Variants in VEPH1 observed in about 807,000 individuals in gnomAD.
The protein encoded by VEPH1 is ventricular zone expressed PH domain containing 1.
In VEPH1, 80 loss-of-function variants were observed where a neutral mutation model predicts 85.2. The ratio of observed to expected loss-of-function variants is 0.94; its 90% CI spans 0.78 to 1.13. The LOEUF is 1.13. Among genes scored for constraint, VEPH1 ranks in the 50% most tolerant of loss-of-function variants. The pLI is 0.00. For missense variants in VEPH1, 955 were observed against 980.5 expected (o/e 0.97, Z 0.35); for synonymous variants, 297 against 348.0 (o/e 0.85, Z 1.63).
intron 4 of VEPH1, chr3:157,437,877 G>A: frequency 2.0e-6 from 3 of 1,503,846 alleles, no homozygotes; most frequent in Non-Finnish European, 2.6e-6. Flanking sequence ...ACCTGCACGC[G>A]GTGCAGGGCT....
intron 9 of VEPH1, among the ~76,000 whole-genome samples, chr3:157,337,070 T>A (rs1220296706): frequency 6.6e-6 from 1 of 151,380 alleles, no homozygotes; most frequent in East Asian, 1.9e-4. Context: ...ATTATTACGC[T>A]TAGTTTTAGT....
chr3:157,368,016 A>G (rs1173679052), intron 7 of VEPH1, among the ~76,000 whole-genome samples: 3 of 152,346 alleles, frequency 2.0e-5, no homozygotes, highest in Non-Finnish European at 2.9e-5. Flanking sequence ...AAAAAGTTTC[A>G]TATTTATGGA....
At chr3:157,289,678 T>C (rs548765282) in intron 11 of VEPH1, among the ~76,000 whole-genome samples, 2 of 152,374 alleles carry the variant, frequency 1.3e-5, no homozygotes, top group South Asian at 4.1e-4. Flanking sequence ...TTTACCCTTC[T>C]GGGTCCTGCA....
intron 6 of VEPH1, among the ~76,000 whole-genome samples, chr3:157,410,662 C>T (rs965975635): frequency 6.6e-6 from 1 of 152,104 alleles, no homozygotes; most frequent in Non-Finnish European, 1.5e-5. Context: ...AAATAACTTT[C>T]TTACAGTAAT....
intron 11 of VEPH1, among the ~76,000 whole-genome samples, chr3:157,306,415 T>G (rs374263538): frequency 6.6e-6 from 1 of 152,252 alleles, no homozygotes; most frequent in South Asian, 2.1e-4. Context: ...AGTATTCATA[T>G]CATAGTTTTG....
At chr3:157,442,749 G>C (rs745911276) in intron 4 of VEPH1, 1 of 1,614,110 alleles carries the variant, frequency 6.2e-7, no homozygotes, top group African/African-American at 1.3e-5. Context: ...TCCTGAGGGA[G>C]GAATCCTGCA....
chr3:157,470,339 GATGCGATTTTTGC>G lies in VEPH1; in HGVS notation c.316_328del (p.Ala106LeufsTer4). 1 of 1,614,118 alleles carries G rather than the reference GATGCGATTTTTGC, an allele frequency of 6.2e-7. No individual in the cohort carries two copies. ...CTGTAAAATGCAACTCATGATATCAGATGCGATTTTTGCATGAGGAGTGTCTTCGTCTTTCCCA... is the reference window on the plus strand; with the variant it reads ...CTGTAAAATGCAACTCATGATATCAGATGAGGAGTGTCTTCGTCTTTCCCA... On this transcript the variant is annotated frameshift_variant, in exon 3 of 14. Coordinates refer to ENST00000362010, the MANE Select transcript of VEPH1 (RefSeq NM_001167912.2). LOFTEE classifies it high-confidence loss of function.
At chr3:157,406,567 G>A (rs1327794541) in intron 6 of VEPH1, among the ~76,000 whole-genome samples, 3 of 152,198 alleles carry the variant, frequency 2.0e-5, no homozygotes, top group East Asian at 1.9e-4. Context: ...TAATGAACAC[G>A]CCCTGGTGCT....
chr3:157,320,977 T>C (rs1350980645), intron 9 of VEPH1, among the ~76,000 whole-genome samples: 1 of 152,150 alleles, frequency 6.6e-6, no homozygotes, highest in East Asian at 1.9e-4. Flanking sequence ...GACTAGACAC[T>C]TATAACCTAT....
chr3:157,261,849 G>A (rs1410984928), intron 13 of VEPH1, among the ~76,000 whole-genome samples: 1 of 152,074 alleles, frequency 6.6e-6, no homozygotes, highest in Non-Finnish European at 1.5e-5. Flanking sequence ...CTGCAGCTTT[G>A]GAAGCATGCT....
At chr3:157,477,677 A>G (rs1358367602) in intron 2 of VEPH1, among the ~76,000 whole-genome samples, 1 of 152,166 alleles carries the variant, frequency 6.6e-6, no homozygotes, top group African/African-American at 2.4e-5. Context: ...ACTTATCTAA[A>G]TGACATCAAG....
rs539946867 is a variant in VEPH1 at position 157,323,111 on chromosome 3, T to C, written c.1736-5910A>G. On this transcript the variant is annotated intron_variant, in intron 9 of 13. Transcript: ENST00000362010. ...GATTCCATGTGATTTGTAAAATATA[T>C]TAGTATTTTAGACTAAAACTCTATT... is the stretch of plus-strand genomic sequence containing the variant. Among the ~76,000 whole-genome samples, 3 of 152,332 alleles carry C rather than the reference T, an allele frequency of 2.0e-5. No homozygotes were observed. In the East Asian group the frequency reaches 5.8e-4, roughly 29 times the overall value.
chr3:157,437,779 C>A, intron 4 of VEPH1: 1 of 1,476,064 alleles, frequency 6.8e-7, no homozygotes. Flanking sequence ...CAGGCTGGCG[C>A]GTATGGAGGG....
chr3:157,274,704 T>G (rs78109201), intron 12 of VEPH1, among the ~76,000 whole-genome samples: 5,634 of 152,260 alleles, frequency 0.037, 150 homozygotes, highest in South Asian at 0.11. Context: ...CTTACCATGC[T>G]GCCCAGGCTG....
intron 3 of VEPH1, among the ~76,000 whole-genome samples, chr3:157,469,634 GT>G (rs1206784169): frequency 6.6e-6 from 1 of 152,174 alleles, no homozygotes; most frequent in Admixed American, 6.5e-5. Flanking sequence ...TCATCACAAA[GT>G]TCTTTTCTGA....
intron 11 of VEPH1, among the ~76,000 whole-genome samples, chr3:157,301,639 T>C (rs1420805132): frequency 1.3e-5 from 2 of 152,240 alleles, no homozygotes; most frequent in African/African-American, 2.4e-5. Flanking sequence ...TGTTGCCCAG[T>C]TGAATGGACA....
chr3:157,454,374 C>T (rs12634385), intron 4 of VEPH1, among the ~76,000 whole-genome samples: 27,158 of 152,086 alleles, frequency 0.18, 2,937 homozygotes, highest in East Asian at 0.38. Flanking sequence ...TTCAGACATA[C>T]CTGGCAGACC....
At chr3:157,442,970 T>G in intron 4 of VEPH1, 1 of 1,598,226 alleles carries the variant, frequency 6.3e-7, no homozygotes, top group South Asian at 1.1e-5. Context: ...GAGCTCAGTA[T>G]GTTTCATAAA....
At chr3:157,321,807 T>A (rs1038608896) in intron 9 of VEPH1, among the ~76,000 whole-genome samples, 1 of 152,110 alleles carries the variant, frequency 6.6e-6, no homozygotes, top group South Asian at 2.1e-4. Flanking sequence ...CAAAAAAAGC[T>A]CATCTACTTA....
Sources: gnomAD v4.1 joint callset for allele counts (sites outside exome capture counted in the v4.1 genomes callset) on GRCh38, gnomAD v4.1.1 for gene constraint, MANE v1.5 for transcripts, NCBI Gene and HGNC (gene_info 2026-07-23, HGNC 2026-07-21) for gene names.